ROBO1: variants seen among roughly 807,000 people sequenced by gnomAD.
The protein encoded by ROBO1 is roundabout homolog 1.
A neutral mutation model predicts 195.9 loss-of-function variants in ROBO1; 149 were observed. That is an observed-to-expected ratio of 0.76 (90% CI 0.67 to 0.87). The LOEUF is 0.87. Among genes scored for constraint, ROBO1 ranks in the 40% least tolerant of loss-of-function variants. The pLI is 0.00. For missense variants in ROBO1, 1,933 were observed against 2,068.3 expected (o/e 0.93, Z 1.27); for synonymous variants, 816 against 733.2 (o/e 1.11, Z -1.82).
chr3:79,129,089 T>G (rs1699651953), intron 2 of ROBO1, among the ~76,000 whole-genome samples: 1 of 152,198 alleles, frequency 6.6e-6, no homozygotes, highest in Non-Finnish European at 1.5e-5. Context: ...TTATTTCCAT[T>G]GGTGATTCAA....
chr3:79,338,752 C>G (rs971035035), intron 2 of ROBO1, among the ~76,000 whole-genome samples: 1 of 152,082 alleles, frequency 6.6e-6, no homozygotes, highest in Non-Finnish European at 1.5e-5. Flanking sequence ...TACTCTCTAG[C>G]TTGGCTATTT....
chr3:79,036,583 T>C (rs796867208), intron 3 of ROBO1, among the ~76,000 whole-genome samples: 14 of 152,200 alleles, frequency 9.2e-5, no homozygotes, highest in African/African-American at 3.1e-4. Context: ...AAGATATAAA[T>C]CAGATAATGA....
At chr3:78,832,987 G>A (rs187632028) in intron 4 of ROBO1, among the ~76,000 whole-genome samples, 200 of 152,252 alleles carry the variant, frequency 1.3e-3, no homozygotes, top group African/African-American at 4.5e-3. Context: ...GCAGGAGCAC[G>A]ATAACGGAGG....
chr3:79,409,947 C>G (rs987066087), intron 2 of ROBO1, among the ~76,000 whole-genome samples: 1 of 151,984 alleles, frequency 6.6e-6, no homozygotes, highest in Admixed American at 6.6e-5. Flanking sequence ...TATATATACA[C>G]ACATATATAT....
intron 2 of ROBO1, among the ~76,000 whole-genome samples, chr3:79,442,070 C>A (rs1438908492): frequency 6.6e-6 from 1 of 152,084 alleles, no homozygotes; most frequent in Non-Finnish European, 1.5e-5. Context: ...CTCGGCTCCT[C>A]AATTCTTATT....
At chr3:79,640,689 C>T (rs1945633304) in intron 1 of ROBO1, among the ~76,000 whole-genome samples, 2 of 152,110 alleles carry the variant, frequency 1.3e-5, no homozygotes, top group Admixed American at 1.3e-4. Context: ...TGGCACTATT[C>T]TACATTGACC....
intron 2 of ROBO1, among the ~76,000 whole-genome samples, chr3:79,210,460 C>G (rs1378326927): frequency 1.3e-5 from 2 of 152,064 alleles, no homozygotes; most frequent in African/African-American, 4.8e-5. Context: ...AACTGGCAAG[C>G]CATATATATG....
intron 1 of ROBO1, among the ~76,000 whole-genome samples, chr3:79,726,672 G>A (rs991523529): frequency 6.6e-6 from 1 of 152,090 alleles, no homozygotes; most frequent in Non-Finnish European, 1.5e-5. Context: ...TATTCCATTT[G>A]TTTCGCCAAC....
At position 79,236,395 on chromosome 3, in the gene ROBO1, A is replaced by G. The variant is rs2082407436; in HGVS notation, c.89-110856T>C. Among the ~76,000 whole-genome samples the G allele has an allele frequency of 2.0e-5, 3 of 152,128 alleles. No individual in the cohort carries two copies. In the South Asian group the frequency reaches 6.2e-4, roughly 32 times the overall value. ...AATGGTTTCTTGTTGTTAAATCCCA[A>G]ATGAACAAGGGCATTTTGTAATTTG... On this transcript the variant is annotated intron_variant, in intron 2 of 30. Transcript: ENST00000464233.
At chr3:79,026,622 T>C (rs2078208005) in intron 3 of ROBO1, among the ~76,000 whole-genome samples, 1 of 152,056 alleles carries the variant, frequency 6.6e-6, no homozygotes. Flanking sequence ...ATTTGAAGGA[T>C]ATTGGGAAAC....
At chr3:78,962,005 T>C (rs2041376704) in intron 3 of ROBO1, among the ~76,000 whole-genome samples, 2 of 152,056 alleles carry the variant, frequency 1.3e-5, no homozygotes, top group East Asian at 3.9e-4. Context: ...AAAATGAGGT[T>C]AATATAGCAT....
rs566972243 is a variant in ROBO1 at position 79,518,675 on chromosome 3, A to G, written c.88+71149T>C. On this transcript the variant is annotated intron_variant, in intron 2 of 30. Coordinates refer to ENST00000464233, the MANE Select transcript of ROBO1 (RefSeq NM_002941.4). ...ATAATAAACATTCTCCAAATCTTTT[A>G]TTATTATTATTATTATTATTTTTAG... is the stretch of plus-strand genomic sequence containing the variant. Among the ~76,000 whole-genome samples the G allele has an allele frequency of 4.0e-5, 6 of 151,412 alleles. No individual in the cohort carries two copies. In the South Asian group the frequency reaches 1.2e-3, roughly 32 times the overall value.
At chr3:79,111,488 A>C (rs1057462825) in intron 3 of ROBO1, among the ~76,000 whole-genome samples, 2 of 152,084 alleles carry the variant, frequency 1.3e-5, no homozygotes, top group Non-Finnish European at 1.5e-5. Context: ...CGCTTTGGGA[A>C]CTGGAGGTAG....
At chr3:79,268,542 T>C (rs889835173) in intron 2 of ROBO1, among the ~76,000 whole-genome samples, 10 of 151,628 alleles carry the variant, frequency 6.6e-5, no homozygotes, top group Admixed American at 4.6e-4. Context: ...TTACACACCA[T>C]GTTGGTTTCA....
At chr3:79,294,057 C>CAAAAAAA (rs71631641) in intron 2 of ROBO1, among the ~76,000 whole-genome samples, 19 of 28,990 alleles carry the variant, frequency 6.6e-4, no homozygotes, top group Admixed American at 1.3e-3. Flanking sequence ...GACTCCATCT[C>CAAAAAAA]AAAAAAAAAA....
Position 78,635,919 on chromosome 3 carries a change from G to C in ROBO1, c.3227C>G (p.Thr1076Ser), listed in dbSNP as rs749703126. Residue 1076 changes from threonine (T) to serine (S), a missense_variant, in exon 23 of 31, where the codon ACT (threonine) becomes AGT (serine). By Grantham distance (58) the Thr-to-Ser change is moderately conservative. Around this residue, in one of 3 missense-constraint regions of ROBO1, gnomAD observed 1,737 missense variants for 1,882.5 expected, o/e 0.92. Transcript: ENST00000464233. Reference protein sequence around the residue: ...PSGQPTPYATTQLIQSNLSNN... With the variant: ...PSGQPTPYATSQLIQSNLSNN... ...GCTGAGGTTTGACTGGATGAGCTGA[G>C]TGGTGGCGTAAGGAGTAGGCTGCCC... 2.4e-5 allele frequency: 38 copies of C among 1,613,842 alleles called. No homozygotes were observed. Among genetic ancestry groups the C allele is most frequent in the Non-Finnish European group, 3.2e-5 (38 of 1,179,864 alleles).
intron 2 of ROBO1, among the ~76,000 whole-genome samples, chr3:79,247,887 AG>A (rs1398174487): frequency 6.6e-6 from 1 of 152,148 alleles, no homozygotes; most frequent in Non-Finnish European, 1.5e-5. Context: ...GCATCCTGGC[AG>A]TGGAGCCTGG....
intron 2 of ROBO1, among the ~76,000 whole-genome samples, chr3:79,275,315 G>A (rs182898794): frequency 6.6e-6 from 1 of 152,030 alleles, no homozygotes; most frequent in African/African-American, 2.4e-5. Context: ...GGAGTGCAAA[G>A]ATGGCTTAAC....
intron 8 of ROBO1, among the ~76,000 whole-genome samples, chr3:78,704,677 A>C (rs2081506914): frequency 6.6e-6 from 1 of 151,192 alleles, no homozygotes; most frequent in South Asian, 2.1e-4. Context: ...AAAAAAAAAA[A>C]AAAAAGGAAA....
Sources: gnomAD v4.1 joint callset for allele counts (sites outside exome capture counted in the v4.1 genomes callset) on GRCh38, gnomAD v4.1.1 for gene constraint, gnomAD v4.1.1 regional missense constraint, MANE v1.5 for transcripts, NCBI Gene and HGNC (gene_info 2026-07-23, HGNC 2026-07-21) for gene names.